The following AMOTL1 variants were observed in gnomAD, a reference collection of about 807,000 sequenced individuals.
AMOTL1 encodes the protein angiomotin like 1, also known as angiomotin-like protein 1.
A neutral mutation model predicts 102.9 loss-of-function variants in AMOTL1; 45 were observed. That is an observed-to-expected ratio of 0.44 (90% CI 0.34 to 0.56). The LOEUF (loss-of-function observed/expected upper bound fraction) is 0.56, where lower values mean the gene tolerates loss of function less well. AMOTL1 is among the 20% of genes least tolerant of loss of function. AMOTL1 has a pLI of 0.01. For missense variants in AMOTL1, 1,114 were observed against 1,225.6 expected (o/e 0.91, Z 1.36); for synonymous variants, 481 against 484.7 (o/e 0.99, Z 0.10).
At chr11:94,768,594 G>GTCT in intron 1 of AMOTL1, 34 bp downstream of exon 1, 1 of 1,570,104 alleles carries the variant, frequency 6.4e-7, no homozygotes, top group Non-Finnish European at 8.6e-7. Context: ...CCGGGAGGGC[G>GTCT]TCTCCGAGTC....
chr11:94,768,772 C>A lies in AMOTL1; in HGVS notation c.49+212C>A, dbSNP rs538839970. 4.6e-5 allele frequency among the ~76,000 whole-genome samples: 7 copies of A among 152,202 alleles called. No individual in the cohort carries two copies. The East Asian group carries it at 1.4e-3, about 30-fold the overall frequency. ...TGCGGGCCGGGCCTCAGCGTCTTGC[C>A]GCCCCGCGACCCACGTTGACTGAAG... On this transcript the variant is annotated intron_variant, in intron 1 of 12. Coordinates refer to ENST00000433060, the MANE Select transcript of AMOTL1 (RefSeq NM_130847.3).
chr11:94,855,574 G>A (rs1013342396), intron 8 of AMOTL1, among the ~76,000 whole-genome samples: 1 of 152,144 alleles, frequency 6.6e-6, no homozygotes, highest in Non-Finnish European at 1.5e-5. Flanking sequence ...GCACATCTCG[G>A]TTCTTAGAGC....
At chr11:94,829,090 G>C (rs954078168) in intron 4 of AMOTL1, among the ~76,000 whole-genome samples, 4 of 152,004 alleles carry the variant, frequency 2.6e-5, no homozygotes, top group Admixed American at 2.6e-4. Context: ...TAGATTAAAG[G>C]CTTCCCCAGT....
rs1951435862 is a variant in AMOTL1 at position 94,799,759 on chromosome 11, C to T, written c.569C>T (p.Thr190Ile). The change falls in exon 3 of 13, where the codon ACT becomes ATT. Residue 190 changes from threonine to isoleucine, a missense_variant. Thr to Ile is a moderately conservative substitution (Grantham distance 89). Coordinates refer to ENST00000433060, the MANE Select transcript of AMOTL1 (RefSeq NM_130847.3). The surrounding 1 kb of genome is among the most constrained non-coding windows in gnomAD (Gnocchi z 4.5). ...QPQQNNEELP[T>I]YEEAKAQSQF... ...CAGCAGAACAACGAGGAACTGCCCA[C>T]TTACGAGGAGGCCAAAGCACAGTCG... 1.2e-6 allele frequency: 2 copies of T among 1,609,932 alleles called. No individual in the cohort carries two copies. Among genetic ancestry groups the T allele is most frequent in the African/African-American group, 2.7e-5 (2 of 74,946 alleles).
At chr11:94,777,509 G>C (rs892142212) in intron 1 of AMOTL1, among the ~76,000 whole-genome samples, 1 of 151,906 alleles carries the variant, frequency 6.6e-6, no homozygotes, top group African/African-American at 2.4e-5. Flanking sequence ...ATAAATTCCA[G>C]GAGTTTGGAG....
chr11:94,801,907 A>G (rs910240586), intron 3 of AMOTL1, among the ~76,000 whole-genome samples: 2 of 152,132 alleles, frequency 1.3e-5, no homozygotes, highest in Non-Finnish European at 1.5e-5. Context: ...GAAGGGCTTT[A>G]TTATCTGTTT....
intron 1 of AMOTL1, among the ~76,000 whole-genome samples, chr11:94,784,108 C>A (rs1951148239): frequency 1.3e-5 from 2 of 151,014 alleles, no homozygotes; most frequent in Non-Finnish European, 2.9e-5. Context: ...GCATGTCATG[C>A]TCAGTAATGT....
chr11:94,781,123 T>C (rs1951104800), intron 1 of AMOTL1, among the ~76,000 whole-genome samples: 1 of 152,066 alleles, frequency 6.6e-6, no homozygotes, highest in Admixed American at 6.5e-5. Context: ...AGCCTTTTTT[T>C]CCCCTAGTGA....
chr11:94,716,394 T>C (rs1457431728), intron 1 of AMOTL1, among the ~76,000 whole-genome samples: 1 of 152,182 alleles, frequency 6.6e-6, no homozygotes, highest in Non-Finnish European at 1.5e-5. Flanking sequence ...TTCCTTGTTC[T>C]TGGTAAGATG....
At chr11:94,868,392 G>A (rs1230923543) in intron 11 of AMOTL1, among the ~76,000 whole-genome samples, 1 of 152,182 alleles carries the variant, frequency 6.6e-6, no homozygotes, top group African/African-American at 2.4e-5. Context: ...CTCCCACCCA[G>A]CTTTCCAGGA....
chr11:94,719,696 G>A (rs2135441345), intron 1 of AMOTL1, among the ~76,000 whole-genome samples: 1 of 152,106 alleles, frequency 6.6e-6, no homozygotes, highest in South Asian at 2.1e-4. Flanking sequence ...GAATACTACT[G>A]ATGAGTGAGC....
intron 1 of AMOTL1, among the ~76,000 whole-genome samples, chr11:94,790,099 A>G (rs1951258240): frequency 6.6e-6 from 1 of 152,150 alleles, no homozygotes; most frequent in African/African-American, 2.4e-5. Context: ...AATTATCTGG[A>G]ATTCTCATAG....
chr11:94,735,347 T>C (rs995792783), intron 2 of AMOTL1, among the ~76,000 whole-genome samples: 1 of 152,232 alleles, frequency 6.6e-6, no homozygotes, highest in African/African-American at 2.4e-5. Flanking sequence ...GCTCTAGAAA[T>C]GCAGCTAAGA....
chr11:94,875,988 G>T lies in AMOTL1; in HGVS notation c.*5193G>T, dbSNP rs1953088582. 6.6e-6 allele frequency: 1 copy of T among 152,570 alleles called. No individual in the cohort carries two copies. The highest frequency in any genetic ancestry group is 1.5e-5 in the Non-Finnish European group (1 of 68,020). The allele number at this position is 152,570 out of a possible 1,614,324, so 9.5% of individuals were successfully genotyped here. On this transcript the variant is annotated 3_prime_UTR_variant, in exon 13 of 13. Transcript: ENST00000433060. ...ATTGTCATGTTATGATGTGACTGGG[G>T]TGTTTCTTTGTCATGAAACTTTGCT... is the stretch of plus-strand genomic sequence containing the variant.
intron 6 of AMOTL1, among the ~76,000 whole-genome samples, chr11:94,848,216 C>T (rs1382944698): frequency 6.6e-6 from 1 of 152,128 alleles, no homozygotes; most frequent in Non-Finnish European, 1.5e-5. Context: ...GCTACTGACC[C>T]CTTAGTTTAG....
In AMOTL1 at chr11:94,872,690, A is replaced by G. The variant is rs747070061; in HGVS notation, c.*1895A>G. On this transcript the variant is annotated 3_prime_UTR_variant, in exon 13 of 13. Coordinates refer to ENST00000433060, the MANE Select transcript of AMOTL1 (RefSeq NM_130847.3). ...CTGCACATTGTGCCACCTGCTCATC[A>G]CCTCCTCTAGTCTCACACTGAGCAT... The G allele has an allele frequency of 1.3e-5, 2 of 152,072 alleles. No homozygotes were observed. The highest frequency in any genetic ancestry group is 2.9e-5 in the Non-Finnish European group (2 of 68,028). The allele number at this position is 152,072 out of a possible 1,614,324, so 9.4% of individuals were successfully genotyped here.
intron 9 of AMOTL1, among the ~76,000 whole-genome samples, chr11:94,861,769 C>T (rs1308323679): frequency 6.6e-6 from 1 of 152,194 alleles, no homozygotes; most frequent in Non-Finnish European, 1.5e-5. Flanking sequence ...GTTGTTTCAG[C>T]GTCTGTGGGT....
intron 6 of AMOTL1, among the ~76,000 whole-genome samples, chr11:94,839,700 T>A (rs773114778): frequency 6.6e-6 from 1 of 152,206 alleles, no homozygotes; most frequent in Non-Finnish European, 1.5e-5. Flanking sequence ...CAACTAGAAT[T>A]AGGACCTCCT....
chr11:94,748,655 T>C (rs1950615858), intron 3 of AMOTL1, among the ~76,000 whole-genome samples: 1 of 152,274 alleles, frequency 6.6e-6, no homozygotes, highest in Non-Finnish European at 1.5e-5. Flanking sequence ...TTACTTAATC[T>C]GTATCTTCTT....
Sources: allele counts gnomAD v4.1 joint callset (sites outside exome capture counted in the v4.1 genomes callset), GRCh38; gene constraint gnomAD v4.1.1; non-coding constraint Gnocchi (gnomAD v3.1); transcripts MANE v1.5; gene names NCBI Gene and HGNC (gene_info 2026-07-23, HGNC 2026-07-21).